Variants in GALNT18 observed in about 807,000 individuals in gnomAD.
The protein encoded by GALNT18 is GalNAc-transferase 18.
Under a neutral mutation model 69.5 loss-of-function variants are expected in GALNT18, and 44 were observed. The ratio of observed to expected loss-of-function variants is 0.63; its 90% CI spans 0.50 to 0.81. The LOEUF (loss-of-function observed/expected upper bound fraction) is 0.81. Ranked by LOEUF, GALNT18 falls within the 40% of genes least tolerant of loss-of-function variation. The pLI is 0.00. For synonymous variants in GALNT18, 364 were observed against 318.2 expected, an observed-to-expected ratio of 1.14 and a Z score of -1.53; for missense variants, 715 against 810.0, an observed-to-expected ratio of 0.88 and a Z score of 1.42.
rs986141621 is a variant in GALNT18, at chr11:11,309,793, T to C, written c.1513-16600A>G. Among the ~76,000 whole-genome samples the C allele has an allele frequency of 1.1e-4, 17 of 152,180 alleles. No individual in the cohort carries two copies. The highest frequency in any genetic ancestry group is 3.6e-4 in the African/African-American group (15 of 41,436). On this transcript the variant is annotated intron_variant, in intron 9 of 10. Coordinates refer to ENST00000227756, the MANE Select transcript of GALNT18 (RefSeq NM_198516.3). The surrounding 1 kb of genome is among the most constrained non-coding windows in gnomAD (Gnocchi z 4.6). ...TCTCTCACATACCCAGATCCCCTTA[T>C]GCTTCAGTTGCAAGACAGCCTGCAA...
chr11:11,547,815 C>T (rs1036655284), intron 1 of GALNT18, among the ~76,000 whole-genome samples: 1 of 152,166 alleles, frequency 6.6e-6, no homozygotes, highest in African/African-American at 2.4e-5. Flanking sequence ...TTAGGAAGTC[C>T]AAATTCCTTA....
intron 8 of GALNT18, among the ~76,000 whole-genome samples, chr11:11,327,855 A>G (rs1200836141): frequency 6.6e-6 from 1 of 152,200 alleles, no homozygotes; most frequent in East Asian, 1.9e-4. Flanking sequence ...CAGCCCTTGG[A>G]AGGGCAGCCC....
chr11:11,394,717 G>A (rs560508967), intron 3 of GALNT18, among the ~76,000 whole-genome samples: 6 of 152,312 alleles, frequency 3.9e-5, no homozygotes, highest in African/African-American at 1.2e-4. Flanking sequence ...CCCATTGCTC[G>A]AGACAGCATC....
At chr11:11,276,478 A>G (rs1035720836) in intron 10 of GALNT18, among the ~76,000 whole-genome samples, 5 of 150,300 alleles carry the variant, frequency 3.3e-5, no homozygotes, top group South Asian at 2.1e-4. Context: ...CTGCAAACAG[A>G]GGCAATTTGA....
intron 1 of GALNT18, among the ~76,000 whole-genome samples, chr11:11,510,755 T>G (rs955263847): frequency 8.5e-5 from 13 of 152,212 alleles, no homozygotes; most frequent in Admixed American, 1.3e-4. Flanking sequence ...TGTGATCTTC[T>G]CTAGAAAATG....
chr11:11,311,503 T>C lies in GALNT18; in HGVS notation c.1512+15583A>G, dbSNP rs78339183. The stretch of plus-strand genomic sequence containing the variant: ...TAGTGAAAGCAGCCCTGCCAAATCC[T>C]TGGGGTCTGAGGAGTTTACATGTTT... On this transcript the variant is annotated intron_variant, in intron 9 of 10. Transcript: ENST00000227756. Among the ~76,000 whole-genome samples the C allele has an allele frequency of 2.6e-3, 400 of 152,244 alleles. 6 individuals are homozygous for C. The highest frequency in any genetic ancestry group is 9.1e-3 in the African/African-American group (378 of 41,544).
At chr11:11,560,026 GGGAT>G in intron 1 of GALNT18, among the ~76,000 whole-genome samples, 1 of 150,222 alleles carries the variant, frequency 6.7e-6, no homozygotes, top group Non-Finnish European at 1.5e-5. Flanking sequence ...ATGATGGAAT[GGGAT>G]AGGATAGGAT....
In GALNT18 at chr11:11,444,939, C is replaced by T. The variant is rs1370628374; in HGVS notation, c.428+3805G>A. Among the ~76,000 whole-genome samples the T allele has an allele frequency of 6.6e-6, 1 of 152,212 alleles. No homozygotes were observed. The highest frequency in any genetic ancestry group is 1.5e-5 in the Non-Finnish European group (1 of 68,040). On this transcript the variant is annotated intron_variant, in intron 2 of 10. Transcript: ENST00000227756. This position sits in a 1 kb window ranked among gnomAD's most constrained non-coding sequence, Gnocchi z 4.4. ...AGACTGCAGTGACTGTGGGCTTCCT[C>T]TCCACATGCTGACCCACATCCTCTC...
intron 9 of GALNT18, among the ~76,000 whole-genome samples, chr11:11,319,279 T>G (rs2133037261): frequency 6.6e-6 from 1 of 152,338 alleles, no homozygotes; most frequent in Non-Finnish European, 1.5e-5. Flanking sequence ...AGCTCAAATG[T>G]TGCCCCATAT....
chr11:11,313,826 G>A (rs1229397303), intron 9 of GALNT18, among the ~76,000 whole-genome samples: 1 of 152,198 alleles, frequency 6.6e-6, no homozygotes, highest in Non-Finnish European at 1.5e-5. Context: ...TTTTAACTGA[G>A]CTTAGATATA....
At chr11:11,434,074 C>T (rs1855340971) in intron 2 of GALNT18, among the ~76,000 whole-genome samples, 2 of 152,076 alleles carry the variant, frequency 1.3e-5, no homozygotes, top group Non-Finnish European at 2.9e-5. Flanking sequence ...ATGAGGAAGG[C>T]TGCAGGATAA....
intron 1 of GALNT18, among the ~76,000 whole-genome samples, chr11:11,464,901 C>A (rs1411617667): frequency 5.3e-5 from 8 of 152,184 alleles, no homozygotes; most frequent in African/African-American, 1.9e-4. Context: ...AATAACAGAG[C>A]CTTTCACATT....
intron 7 of GALNT18, among the ~76,000 whole-genome samples, chr11:11,335,296 C>T (rs77716535): frequency 0.011 from 1,611 of 152,308 alleles, 12 homozygotes; most frequent in South Asian, 0.035. Context: ...TTCAGCTTAT[C>T]TTTCTGAATA....
chr11:11,368,868 C>T (rs1314012675), intron 6 of GALNT18, among the ~76,000 whole-genome samples: 1 of 152,172 alleles, frequency 6.6e-6, no homozygotes, highest in Non-Finnish European at 1.5e-5. Context: ...CCTCTTGTTG[C>T]TTTCTTTTTC....
chr11:11,578,458 G>C (rs1344929552), intron 1 of GALNT18, among the ~76,000 whole-genome samples: 1 of 151,338 alleles, frequency 6.6e-6, no homozygotes, highest in African/African-American at 2.4e-5. Flanking sequence ...CAGGTAAAAA[G>C]AATTTTAATT....
chr11:11,504,802 C>T (rs975474509), intron 1 of GALNT18, among the ~76,000 whole-genome samples: 1 of 151,866 alleles, frequency 6.6e-6, no homozygotes, highest in African/African-American at 2.4e-5. Flanking sequence ...TTAATGAGAG[C>T]CTATACTTGC....
At chr11:11,471,676 A>G (rs1323570524) in intron 1 of GALNT18, among the ~76,000 whole-genome samples, 1 of 152,250 alleles carries the variant, frequency 6.6e-6, no homozygotes, top group Non-Finnish European at 1.5e-5. Flanking sequence ...CCCTTGTAGA[A>G]GCAAACTAAG....
rs193145006 is a variant in GALNT18, at chr11:11,592,991, C to T, written c.235+28368G>A. Among the ~76,000 whole-genome samples the T allele has an allele frequency of 4.1e-3, 626 of 152,274 alleles. 5 individuals are homozygous for T. The highest frequency in any genetic ancestry group is 0.014 in the African/African-American group (601 of 41,550). On this transcript the variant is annotated intron_variant, in intron 1 of 10. Coordinates refer to ENST00000227756, the MANE Select transcript of GALNT18 (RefSeq NM_198516.3). This position sits in a 1 kb window ranked among gnomAD's most constrained non-coding sequence, Gnocchi z 5.9. ...AGTGCAGTGGCGCAATCTCAGCTCACTGCAAGCTGCGCCTCTCGGGTTCAC... is the reference window on the plus strand; with the variant it reads ...AGTGCAGTGGCGCAATCTCAGCTCATTGCAAGCTGCGCCTCTCGGGTTCAC...
intron 9 of GALNT18, among the ~76,000 whole-genome samples, chr11:11,323,981 T>C (rs544961363): frequency 6.6e-6 from 1 of 152,212 alleles, no homozygotes; most frequent in South Asian, 2.1e-4. Flanking sequence ...GTCACAGGGA[T>C]ACAGCCCTGA....
Sources: allele counts gnomAD v4.1 joint callset (sites outside exome capture counted in the v4.1 genomes callset), GRCh38; gene constraint gnomAD v4.1.1; non-coding constraint Gnocchi (gnomAD v3.1); transcripts MANE v1.5; gene names NCBI Gene and HGNC (gene_info 2026-07-23, HGNC 2026-07-21).